Variants in HDAC9 observed in about 807,000 individuals in gnomAD.
HDAC9 encodes MEF-2 interacting transcription repressor (MITR) protein.
In HDAC9, 41 loss-of-function variants were observed where a neutral mutation model predicts 139.4. The ratio of observed to expected loss-of-function variants is 0.29; its 90% CI spans 0.23 to 0.38. The LOEUF is 0.38. HDAC9 is among the 10% of genes least tolerant of loss of function. The probability of loss-of-function intolerance (pLI) is 1.00; values close to 1 mark genes in which losing one functional copy is unlikely to be tolerated. For missense variants in HDAC9, 1,147 were observed against 1,297.0 expected (o/e 0.88, Z 1.78); for synonymous variants, 517 against 476.2 (o/e 1.09, Z -1.12).
chr7:18,107,764 T>G (rs1164736218), intron 1 of HDAC9, among the ~76,000 whole-genome samples: 2 of 152,256 alleles, frequency 1.3e-5, no homozygotes, highest in East Asian at 1.9e-4. Flanking sequence ...TTAACATTCA[T>G]GTACTAACAT....
intron 1 of HDAC9, among the ~76,000 whole-genome samples, chr7:18,124,927 C>A (rs1784565377): frequency 6.7e-6 from 1 of 149,414 alleles, no homozygotes; most frequent in Non-Finnish European, 1.5e-5. Context: ...TTGTTAGCAA[C>A]AGAGGAAATA....
chr7:18,937,030 ATTTTTTTTTTTTTTTT>A (rs768350029), intron 23 of HDAC9, among the ~76,000 whole-genome samples: 1 of 96,700 alleles, frequency 1.0e-5, no homozygotes, highest in Admixed American at 1.4e-4. Context: ...GCTCTTGTTA[ATTTTTTTTTTTTTTTT>A]TTTTTTTTTC....
intron 2 of HDAC9, among the ~76,000 whole-genome samples, chr7:18,254,901 A>G (rs1795134330): frequency 6.6e-6 from 1 of 152,204 alleles, no homozygotes; most frequent in Admixed American, 6.5e-5. Context: ...CATGTCATGA[A>G]TAACCAAAAC....
intron 2 of HDAC9, among the ~76,000 whole-genome samples, chr7:18,177,626 G>A (rs1006730381): frequency 1.8e-4 from 27 of 152,088 alleles, no homozygotes; most frequent in African/African-American, 6.3e-4. Flanking sequence ...GCCTTCCTGG[G>A]TGACGCTGAC....
At chr7:18,872,174 A>G (rs1049966348) in intron 21 of HDAC9, among the ~76,000 whole-genome samples, 5 of 152,118 alleles carry the variant, frequency 3.3e-5, no homozygotes, top group Non-Finnish European at 5.9e-5. Context: ...AACTGAAAGG[A>G]TTCTATCAGG....
chr7:18,566,859 C>T (rs1475967712), intron 2 of HDAC9, among the ~76,000 whole-genome samples: 3 of 152,150 alleles, frequency 2.0e-5, no homozygotes. Context: ...AAAGCATTTT[C>T]AGAGGAGTGT....
At chr7:18,681,168 T>A (rs1177885912) in intron 12 of HDAC9, among the ~76,000 whole-genome samples, 1 of 152,050 alleles carries the variant, frequency 6.6e-6, no homozygotes, top group Non-Finnish European at 1.5e-5. Context: ...GGTTCATGTG[T>A]GTATTTTTGT....
rs528517496 is a variant in HDAC9 at position 18,925,966 on chromosome 7, C to T, written c.2804-9843C>T. Among the ~76,000 whole-genome samples, 9 of 152,182 alleles carry T rather than the reference C, an allele frequency of 5.9e-5. No homozygotes were observed. In the South Asian group the frequency reaches 1.7e-3, roughly 28 times the overall value. On this transcript the variant is annotated intron_variant, in intron 22 of 25. Transcript: ENST00000686413. ...GTATCACTATGGGCCTTAGTTTCCTCATCCACTTCTTAAAACGATAGAATT... is the reference window on the plus strand; with the variant it reads ...GTATCACTATGGGCCTTAGTTTCCTTATCCACTTCTTAAAACGATAGAATT...
At chr7:18,526,391 G>T (rs774188960) in intron 2 of HDAC9, among the ~76,000 whole-genome samples, 1 of 152,082 alleles carries the variant, frequency 6.6e-6, no homozygotes, top group Non-Finnish European at 1.5e-5. Flanking sequence ...TAAAGGGGTG[G>T]TATTTTATGA....
At chr7:18,526,763 A>T (rs1325584368) in intron 2 of HDAC9, among the ~76,000 whole-genome samples, 1 of 152,158 alleles carries the variant, frequency 6.6e-6, no homozygotes, top group African/African-American at 2.4e-5. Context: ...AAAAAAACTC[A>T]ACTAGATCTT....
At chr7:18,354,749 C>T (rs1044154592) in intron 1 of HDAC9, among the ~76,000 whole-genome samples, 1 of 152,146 alleles carries the variant, frequency 6.6e-6, no homozygotes, top group Non-Finnish European at 1.5e-5. Flanking sequence ...AAAACCTGAC[C>T]TCTGTGAAAA....
At chr7:18,324,622 A>C (rs900042904) in intron 1 of HDAC9, among the ~76,000 whole-genome samples, 8 of 152,128 alleles carry the variant, frequency 5.3e-5, no homozygotes, top group Admixed American at 3.9e-4. Flanking sequence ...AGTTGGCAGA[A>C]ATTGCAATGC....
At chr7:18,932,709 A>C (rs1804853795) in intron 22 of HDAC9, among the ~76,000 whole-genome samples, 1 of 152,042 alleles carries the variant, frequency 6.6e-6, no homozygotes, top group Non-Finnish European at 1.5e-5. Context: ...AAAACATCAT[A>C]TCTATCTTAG....
rs745340104 is a variant in HDAC9, at chr7:18,767,080, A to AT, written c.2165-20dup. The AT allele has an allele frequency of 4.6e-5, 57 of 1,229,914 alleles. No homozygotes were observed. The South Asian group carries it at 8.8e-4, about 19-fold the overall frequency. 76.2% of individuals were successfully genotyped at this position (1,229,914 alleles called of 1,614,324 possible). A position where few individuals can be genotyped will look rare whatever the true frequency, so the allele number is the denominator to read the frequency against. On this transcript the variant is annotated intron_variant, in intron 15 of 25. Transcript: ENST00000686413. ...AATTATATAACCTCCATTTATCTAT[A>AT]TTTTTTATGTCTTCTTACTGTATAG...
intron 1 of HDAC9, among the ~76,000 whole-genome samples, chr7:18,300,134 A>G (rs1798438814): frequency 6.6e-5 from 10 of 152,008 alleles, no homozygotes; most frequent in Admixed American, 6.5e-4. Context: ...GTGGCTTTGA[A>G]TGCAGCCCAA....
intron 2 of HDAC9, among the ~76,000 whole-genome samples, chr7:18,182,423 A>G (rs1384612485): frequency 6.6e-6 from 1 of 152,234 alleles, no homozygotes; most frequent in African/African-American, 2.4e-5. Context: ...AATAGCCAAT[A>G]TGTGATGACT....
intron 1 of HDAC9, among the ~76,000 whole-genome samples, chr7:18,316,731 C>T (rs984567196): frequency 1.3e-5 from 2 of 151,248 alleles, no homozygotes; most frequent in African/African-American, 2.4e-5. Flanking sequence ...GCAGGAGGAT[C>T]GCTTGAGCCC....
At chr7:18,530,081 ACCAGG>A (rs1165296034) in intron 2 of HDAC9, among the ~76,000 whole-genome samples, 1 of 151,912 alleles carries the variant, frequency 6.6e-6, no homozygotes, top group African/African-American at 2.4e-5. Context: ...GGAGTTTGAG[ACCAGG>A]CTGGGCAACA....
intron 1 of HDAC9, among the ~76,000 whole-genome samples, chr7:18,158,065 G>A (rs1787356717): frequency 6.6e-6 from 1 of 152,156 alleles, no homozygotes; most frequent in Non-Finnish European, 1.5e-5. Flanking sequence ...GCTTGCCCTA[G>A]CCATGAGAAA....
Sources: gnomAD v4.1 joint callset for allele counts (sites outside exome capture counted in the v4.1 genomes callset) on GRCh38, gnomAD v4.1.1 for gene constraint, MANE v1.5 for transcripts, NCBI Gene and HGNC (gene_info 2026-07-23, HGNC 2026-07-21) for gene names.